Variants in ADH4 observed in about 807,000 individuals in gnomAD.
ADH4 encodes the protein all-trans-retinol dehydrogenase [NAD(+)] ADH4.
A neutral mutation model predicts 35.2 loss-of-function variants in ADH4; 31 were observed. The ratio of observed to expected loss-of-function variants is 0.88; its 90% CI spans 0.66 to 1.19. ADH4 has a LOEUF of 1.19. ADH4 is among the 50% of genes most tolerant of loss of function. The pLI, the probability that ADH4 is intolerant of heterozygous loss-of-function variation, is 0.00. For synonymous variants in ADH4, 171 were observed against 160.2 expected, an observed-to-expected ratio of 1.07 and a Z score of -0.51; for missense variants, 476 against 458.3, an observed-to-expected ratio of 1.04 and a Z score of -0.35.
In ADH4 at chr4:99,142,952, G is replaced by A. The variant is rs2110507083; in HGVS notation, c.19-172C>T. 3 of 612,402 alleles carry A rather than the reference G, an allele frequency of 4.9e-6. No homozygotes were observed. The South Asian group carries it at 6.0e-5, about 12-fold the overall frequency. 37.9% of individuals were successfully genotyped at this position (612,402 alleles called of 1,614,324 possible). A position where few individuals can be genotyped will look rare whatever the true frequency, so the allele number is the denominator to read the frequency against. ...CTTATAGATATTATTTTAAAGACAA[G>A]GGATCTTAAAGAAAAATAAGAAGTT... is the stretch of plus-strand genomic sequence containing the variant. On this transcript the variant is annotated intron_variant, in intron 1 of 8. Transcript: ENST00000265512.
Position 99,131,571 on chromosome 4 carries a change from A to G in ADH4, c.776T>C (p.Val259Ala). 6.2e-7 allele frequency: 1 copy of G among 1,614,126 alleles called. No individual in the cohort carries two copies. The highest frequency in any genetic ancestry group is 8.5e-7 in the Non-Finnish European group (1 of 1,179,994). ...ACCTCCCTTGGTCAATTCAATGATA[A>G]CTTCCTGGATCGGTTTATGTAAGTC... ...PRDLHKPIQE[V>A]IIELTKGGVD... Residue 259 changes from valine (V) to alanine (A), a missense_variant, in exon 6 of 9, where the codon GTT becomes GCT. Transcript: ENST00000265512.
intron 6 of ADH4, among the ~76,000 whole-genome samples, chr4:99,128,214 C>T (rs1174332486): frequency 6.6e-6 from 1 of 152,150 alleles, no homozygotes; most frequent in Non-Finnish European, 1.5e-5. Context: ...GCAGGTGGAT[C>T]ACTTGAGATC....
In ADH4 at chr4:99,126,745, C is replaced by CA. The variant is rs1444780975; in HGVS notation, c.980-14dup. The CA allele has an allele frequency of 2.5e-6, 4 of 1,573,962 alleles. No individual in the cohort carries two copies. The highest frequency in any genetic ancestry group is 3.4e-5 in the Admixed American group (2 of 58,404). On this transcript the variant is annotated splice_polypyrimidine_tract_variant and intron_variant, in intron 7 of 8. Transcript: ENST00000265512. ...ACACTTTTCCAACCTGTAATGTGGA[C>CA]AAAATGCAAAATAAAGACATGGCAC...
At chr4:99,132,941 A>G (rs1232272157) in intron 5 of ADH4, among the ~76,000 whole-genome samples, 2 of 152,208 alleles carry the variant, frequency 1.3e-5, no homozygotes, top group Non-Finnish European at 2.9e-5. Context: ...ACTCAGAGGA[A>G]ATAATAAATA....
chr4:99,141,516 A>G, intron 3 of ADH4, 25 bp downstream of exon 3: 1 of 1,596,208 alleles, frequency 6.3e-7, no homozygotes, highest in Admixed American at 1.7e-5. Flanking sequence ...TGACATTTCC[A>G]TTTTTTCTGA....
intron 6 of ADH4, among the ~76,000 whole-genome samples, chr4:99,130,543 A>G (rs192298141): frequency 6.6e-6 from 1 of 152,340 alleles, no homozygotes; most frequent in Admixed American, 6.5e-5. Context: ...GAGAGTAGGT[A>G]ACTCATCTTT....
At chr4:99,135,883 A>T (rs2110499244) in intron 5 of ADH4, among the ~76,000 whole-genome samples, 1 of 152,304 alleles carries the variant, frequency 6.6e-6, no homozygotes, top group Admixed American at 6.5e-5. Context: ...CTCTAGTTCT[A>T]GATCAGATGC....
Position 99,139,149 on chromosome 4 carries a change from C to A in ADH4, c.263-1G>T. ...GCATAAAGTGGAATTACTTTGTCAC[C>A]TAGAAAGAAAGGCCATATGTTGGAT... On this transcript the variant is annotated splice_acceptor_variant, in intron 3 of 8. Coordinates refer to ENST00000265512, the MANE Select transcript of ADH4 (RefSeq NM_000670.5). LOFTEE classifies it high-confidence loss of function. The A allele has an allele frequency of 1.9e-6, 3 of 1,611,004 alleles. No individual in the cohort carries two copies. The highest frequency in any genetic ancestry group is 2.5e-6 in the Non-Finnish European group (3 of 1,177,948).
chr4:99,137,200 T>C (rs1729467904), intron 4 of ADH4, among the ~76,000 whole-genome samples: 1 of 151,902 alleles, frequency 6.6e-6, no homozygotes, highest in Admixed American at 6.6e-5. Flanking sequence ...CGATCTCAGC[T>C]CAATGCAACC....
intron 8 of ADH4, 74 bp from the exon 9 acceptor site, chr4:99,124,540 G>A: frequency 1.0e-6 from 1 of 1,001,448 alleles, no homozygotes; most frequent in Non-Finnish European, 1.5e-6. Flanking sequence ...AATAAGTTTT[G>A]CCTTTTCATT....
At chr4:99,143,497 A>C (rs1729703734) in intron 1 of ADH4, 1 of 302,552 alleles carries the variant, frequency 3.3e-6, no homozygotes, top group Non-Finnish European at 6.2e-6. Flanking sequence ...GCCTCAAATT[A>C]TATTTTTAAT....
intron 8 of ADH4, among the ~76,000 whole-genome samples, chr4:99,125,838 T>C (rs1459031923): frequency 1.3e-5 from 2 of 152,196 alleles, no homozygotes; most frequent in Non-Finnish European, 2.9e-5. Flanking sequence ...AATTTTACTT[T>C]AGACTTTTCC....
chr4:99,144,256 CTGAGT>C lies in ADH4; in HGVS notation c.-39_-35del. On this transcript the variant is annotated 5_prime_UTR_variant, in exon 1 of 9. Coordinates refer to ENST00000265512, the MANE Select transcript of ADH4 (RefSeq NM_000670.5). ...GGGAAACTGTGTTGGAAGTTTCTTT[CTGAGT>C]TAAGAAAGCTTCAAACTCCTACCCA... is the stretch of plus-strand genomic sequence containing the variant. The C allele has an allele frequency of 6.2e-7, 1 of 1,610,302 alleles. No homozygotes were observed. Among genetic ancestry groups the C allele is most frequent in the Non-Finnish European group, 8.5e-7 (1 of 1,176,610 alleles).
In ADH4 at chr4:99,131,762, G is replaced by A; in HGVS notation, c.585C>T (p.Val195=). Reference sequence around the variant, plus strand: ...AGACAGCACAAGTCGAACCAGGGGTGACCTGCAAGCAGGAAAATTATAAAG... The same window carrying A: ...AGACAGCACAAGTCGAACCAGGGGTAACCTGCAAGCAGGAAAATTATAAAG... ...GYGAAINNAK[V]TPGSTCAVFG... is the part of the protein sequence containing the mutation. The change falls in exon 6 of 9, where the codon GTC becomes GTT. Residue 195 remains valine (V), a splice_region_variant and synonymous_variant. Transcript: ENST00000265512. 1.2e-6 allele frequency: 2 copies of A among 1,610,174 alleles called. No individual in the cohort carries two copies. The highest frequency in any genetic ancestry group is 1.7e-6 in the Non-Finnish European group (2 of 1,178,634).
At chr4:99,125,465 A>C (rs1729057837) in intron 8 of ADH4, among the ~76,000 whole-genome samples, 2 of 152,190 alleles carry the variant, frequency 1.3e-5, no homozygotes, top group African/African-American at 4.8e-5. Context: ...ATAATTGAGA[A>C]TTCTAGGAGA....
intron 3 of ADH4, 130 bp from the exon 4 acceptor site, chr4:99,139,278 A>G: frequency 1.7e-6 from 1 of 602,650 alleles, no homozygotes. Context: ...AGGTGGCTAC[A>G]GTATTTCATT....
At chr4:99,136,092 C>T (rs1448187676) in intron 5 of ADH4, among the ~76,000 whole-genome samples, 1 of 152,120 alleles carries the variant, frequency 6.6e-6, no homozygotes, top group African/African-American at 2.4e-5. Flanking sequence ...AAGTGAGTTT[C>T]TGTCATTTTT....
intron 5 of ADH4, among the ~76,000 whole-genome samples, chr4:99,134,449 G>A (rs1359728063): frequency 6.6e-6 from 1 of 151,906 alleles, no homozygotes; most frequent in Non-Finnish European, 1.5e-5. Context: ...AAATAAATAA[G>A]TAATTAAAAA....
intron 1 of ADH4, chr4:99,143,394 TTAAA>T (rs1439025443): frequency 4.7e-6 from 2 of 425,580 alleles, no homozygotes; most frequent in Non-Finnish European, 8.4e-6. Context: ...AGGATATAAA[TTAAA>T]TAAAAATTTC....
Sources: allele counts gnomAD v4.1 joint callset (sites outside exome capture counted in the v4.1 genomes callset), GRCh38; gene constraint gnomAD v4.1.1; transcripts MANE v1.5; gene names NCBI Gene and HGNC (gene_info 2026-07-23, HGNC 2026-07-21).